TASP1: variants seen among roughly 807,000 people sequenced by gnomAD.
TASP1 encodes threonine aspartase 1.
A neutral mutation model predicts 56.6 loss-of-function variants in TASP1; 16 were observed. That is an observed-to-expected ratio of 0.28 (90% CI 0.19 to 0.43). TASP1 has a LOEUF of 0.43. Among genes scored for constraint, TASP1 ranks in the 20% least tolerant of loss-of-function variants. The pLI is 1.00. For synonymous variants in TASP1, 179 were observed against 184.2 expected, an observed-to-expected ratio of 0.97 and a Z score of 0.23; for missense variants, 393 against 511.6, an observed-to-expected ratio of 0.77 and a Z score of 2.24.
intron 4 of TASP1, among the ~76,000 whole-genome samples, chr20:13,590,659 C>G (rs752026394): frequency 3.9e-5 from 6 of 151,978 alleles, no homozygotes; most frequent in Middle Eastern, 3.4e-3. Context: ...CAAGGTCAGG[C>G]ATTCGAGACC....
chr20:13,220,925 G>A, the TASP1 span, among the ~76,000 whole-genome samples: 1 of 152,170 alleles, frequency 6.6e-6, no homozygotes, highest in Non-Finnish European at 1.5e-5. Flanking sequence ...GTGCACAAGG[G>A]CTCTACCCGC....
the TASP1 span, among the ~76,000 whole-genome samples, chr20:13,136,901 A>T: frequency 3.3e-5 from 5 of 151,960 alleles, no homozygotes; most frequent in African/African-American, 9.7e-5. Context: ...ATTATCTTAG[A>T]TATTATCAAT....
chr20:13,478,520 T>C (rs2043022728), intron 11 of TASP1, among the ~76,000 whole-genome samples: 3 of 152,032 alleles, frequency 2.0e-5, no homozygotes, highest in African/African-American at 7.2e-5. Context: ...AGCTAAATAA[T>C]GTGTACACAT....
At chr20:13,235,892 G>A in the TASP1 span, among the ~76,000 whole-genome samples, 1 of 151,962 alleles carries the variant, frequency 6.6e-6, no homozygotes, top group Non-Finnish European at 1.5e-5. Flanking sequence ...GGGGACAGGA[G>A]TTCCAAAGCT....
intron 6 of TASP1, among the ~76,000 whole-genome samples, chr20:13,576,003 G>A (rs2046891673): frequency 6.6e-6 from 1 of 152,004 alleles, no homozygotes; most frequent in African/African-American, 2.4e-5. Flanking sequence ...CCTGTGGTCA[G>A]GTGTTCGAGA....
chr20:13,557,572 G>GTT lies in TASP1; in HGVS notation c.675+1434_675+1435dup, dbSNP rs972801507. Among the ~76,000 whole-genome samples, 764 of 99,752 alleles carry GTT rather than the reference G, an allele frequency of 7.7e-3. 76 individuals are homozygous for GTT. Among genetic ancestry groups the GTT allele is most frequent in the African/African-American group, 0.025 (614 of 24,508 alleles). The allele number at this position is 99,752 out of a possible 152,430, so 65.4% of individuals were successfully genotyped here. A position where few individuals can be genotyped will look rare whatever the true frequency, so the allele number is the denominator to read the frequency against. The stretch of plus-strand genomic sequence containing the variant: ...TGCAAATTTTATTACGATGTTTTTG[G>GTT]TTTTTTTTTTTTTTTTTTTTTTTTT... On this transcript the variant is annotated intron_variant, in intron 8 of 13. Coordinates refer to ENST00000337743, the MANE Select transcript of TASP1 (RefSeq NM_017714.3).
the TASP1 span, among the ~76,000 whole-genome samples, chr20:13,223,188 A>AAAAT: frequency 0.1 from 14,934 of 147,148 alleles, 968 homozygotes; most frequent in East Asian, 0.26. Flanking sequence ...AAAATAAAAT[A>AAAAT]AAATAAATAA....
chr20:13,364,942 T>C, the TASP1 span, among the ~76,000 whole-genome samples: 3 of 152,052 alleles, frequency 2.0e-5, no homozygotes. Context: ...CTGAGCCAAG[T>C]TGAAATGGTT....
the TASP1 span, among the ~76,000 whole-genome samples, chr20:13,114,835 C>A: frequency 6.6e-6 from 1 of 152,078 alleles, no homozygotes; most frequent in Non-Finnish European, 1.5e-5. Context: ...CTCCATCTGC[C>A]AGTGGCTAAT....
At chr20:13,170,643 T>G in the TASP1 span, among the ~76,000 whole-genome samples, 2 of 152,188 alleles carry the variant, frequency 1.3e-5, no homozygotes, top group Non-Finnish European at 2.9e-5. Flanking sequence ...AGCTGCTAAT[T>G]TTTATATCAA....
chr20:13,143,667 G>T, the TASP1 span, among the ~76,000 whole-genome samples: 3 of 152,196 alleles, frequency 2.0e-5, no homozygotes, highest in Non-Finnish European at 4.4e-5. Context: ...CCTGTTCAGT[G>T]CATCCTACCC....
At chr20:13,440,752 C>T (rs1600805610) in intron 11 of TASP1, among the ~76,000 whole-genome samples, 1 of 151,578 alleles carries the variant, frequency 6.6e-6, no homozygotes, top group African/African-American at 2.4e-5. Context: ...TGCCATGAGA[C>T]ATTTTATTAT....
At chr20:13,325,264 G>C in the TASP1 span, among the ~76,000 whole-genome samples, 3 of 152,196 alleles carry the variant, frequency 2.0e-5, no homozygotes, top group Non-Finnish European at 4.4e-5. Context: ...AGAAGTTAGA[G>C]GTCTCAGGTC....
At chr20:13,247,541 T>A in the TASP1 span, among the ~76,000 whole-genome samples, 1 of 151,624 alleles carries the variant, frequency 6.6e-6, no homozygotes, top group Non-Finnish European at 1.5e-5. Flanking sequence ...TGTGTGTGTG[T>A]GTGTGTGTGT....
At chr20:13,211,666 G>A in the TASP1 span, among the ~76,000 whole-genome samples, 2 of 152,050 alleles carry the variant, frequency 1.3e-5, no homozygotes, top group Non-Finnish European at 2.9e-5. Flanking sequence ...ATCATAATGA[G>A]AGAGCCACAT....
intron 11 of TASP1, among the ~76,000 whole-genome samples, chr20:13,459,783 A>AT (rs1340770821): frequency 6.6e-6 from 1 of 152,018 alleles, no homozygotes; most frequent in African/African-American, 2.4e-5. Flanking sequence ...CTACAGATGA[A>AT]TTGCTCATGC....
chr20:13,536,913 A>C (rs1192283902), intron 8 of TASP1, among the ~76,000 whole-genome samples: 1 of 152,120 alleles, frequency 6.6e-6, no homozygotes, highest in Admixed American at 6.6e-5. Context: ...AGAATGGCAG[A>C]AATCAAGCTA....
At chr20:13,381,411 T>C in the TASP1 span, among the ~76,000 whole-genome samples, 10 of 152,232 alleles carry the variant, frequency 6.6e-5, no homozygotes, top group Non-Finnish European at 1.0e-4. Context: ...GCCCACTGTC[T>C]AACCAGTCCC....
chr20:13,174,558 G>A, the TASP1 span, among the ~76,000 whole-genome samples: 1 of 151,998 alleles, frequency 6.6e-6, no homozygotes, highest in Non-Finnish European at 1.5e-5. Context: ...AATTAGCCAG[G>A]CATAGTGGCA....
Sources: allele counts gnomAD v4.1 joint callset (sites outside exome capture counted in the v4.1 genomes callset), GRCh38; gene constraint gnomAD v4.1.1; transcripts MANE v1.5; gene names NCBI Gene and HGNC (gene_info 2026-07-23, HGNC 2026-07-21).